The following RPS6KA2 variants were observed in gnomAD, a reference collection of about 807,000 sequenced individuals.
The protein encoded by RPS6KA2 is ribosomal protein S6 kinase A2.
In RPS6KA2, 42 loss-of-function variants were observed where a neutral mutation model predicts 91.8. That is an observed-to-expected ratio of 0.46 (90% CI 0.36 to 0.59). The LOEUF is 0.59. RPS6KA2 is among the 20% of genes least tolerant of loss of function. The pLI, the probability that RPS6KA2 is intolerant of heterozygous loss-of-function variation, is 0.00. For synonymous variants in RPS6KA2, 414 were observed against 393.6 expected (o/e 1.05, Z -0.61); for missense variants, 798 against 978.5 (o/e 0.82, Z 2.46).
intron 2 of RPS6KA2, among the ~76,000 whole-genome samples, chr6:166,815,448 C>T (rs1246202156): frequency 6.6e-6 from 1 of 152,160 alleles, no homozygotes; most frequent in Admixed American, 6.5e-5. Context: ...TTTATAGTCA[C>T]TAAAATAAAA....
intron 2 of RPS6KA2, among the ~76,000 whole-genome samples, chr6:166,773,521 C>G (rs1583102405): frequency 6.6e-6 from 1 of 152,132 alleles, no homozygotes; most frequent in Non-Finnish European, 1.5e-5. Context: ...CCTGCCTCAG[C>G]CTCGTGAGTA....
At chr6:166,420,157 T>C (rs1057117564) in intron 17 of RPS6KA2, among the ~76,000 whole-genome samples, 199 bp from the exon 18 acceptor site, 7 of 151,372 alleles carry the variant, frequency 4.6e-5, no homozygotes, top group Non-Finnish European at 1.0e-4. Context: ...GCCAGCCACA[T>C]GGTAAACTAG....
intron 3 of RPS6KA2, among the ~76,000 whole-genome samples, chr6:166,525,423 GC>G (rs1192192859): frequency 6.6e-6 from 1 of 151,944 alleles, no homozygotes; most frequent in Non-Finnish European, 1.5e-5. Flanking sequence ...CAGCAGTGTG[GC>G]CCCCTCAGCA....
chr6:166,526,225 T>C (rs918094730), intron 3 of RPS6KA2, among the ~76,000 whole-genome samples: 3 of 152,168 alleles, frequency 2.0e-5, no homozygotes, highest in African/African-American at 7.2e-5. Flanking sequence ...TTTTTAGTGA[T>C]GGATCATTAC....
At chr6:166,843,570 ACGTGAAGACGGAT>A (rs2128630585) in intron 2 of RPS6KA2, among the ~76,000 whole-genome samples, 1 of 152,308 alleles carries the variant, frequency 6.6e-6, no homozygotes, top group African/African-American at 2.4e-5. Context: ...CAGCTGAAAG[ACGTGAAGACGGAT>A]CACATCACAG....
chr6:166,642,273 AC>A (rs879561062), intron 2 of RPS6KA2, among the ~76,000 whole-genome samples: 1 of 152,316 alleles, frequency 6.6e-6, no homozygotes, highest in Non-Finnish European at 1.5e-5. Context: ...AGAGAAAATA[AC>A]TTTAACCTTG....
intron 7 of RPS6KA2, among the ~76,000 whole-genome samples, chr6:166,499,857 G>C (rs28439240): frequency 0.41 from 61,726 of 150,146 alleles, 14,064 homozygotes; most frequent in East Asian, 0.69. Context: ...CAGGGACTTT[G>C]AGAACAGACT....
At chr6:166,656,054 G>A (rs996167021) in intron 2 of RPS6KA2, among the ~76,000 whole-genome samples, 1 of 152,240 alleles carries the variant, frequency 6.6e-6, no homozygotes, top group African/African-American at 2.4e-5. Context: ...AGTGTGCACA[G>A]CACACACCTC....
At chr6:166,816,078 CT>C (rs1779751602) in intron 2 of RPS6KA2, among the ~76,000 whole-genome samples, 3 of 152,186 alleles carry the variant, frequency 2.0e-5, no homozygotes, top group Admixed American at 2.0e-4. Flanking sequence ...GATTAAAACA[CT>C]TTCATCAAGA....
At chr6:166,524,806 G>A (rs1003347019) in intron 3 of RPS6KA2, among the ~76,000 whole-genome samples, 1 of 152,220 alleles carries the variant, frequency 6.6e-6, no homozygotes, top group Non-Finnish European at 1.5e-5. Flanking sequence ...GGGACACTGA[G>A]GCCAGGAGAG....
chr6:166,613,880 G>A (rs1358762471), intron 1 of RPS6KA2, among the ~76,000 whole-genome samples: 3 of 151,372 alleles, frequency 2.0e-5, no homozygotes, highest in Non-Finnish European at 4.4e-5. Context: ...CGGCCTTCAG[G>A]ACACAGTCGG....
chr6:166,428,549 T>A (rs1186797691), intron 16 of RPS6KA2, among the ~76,000 whole-genome samples: 1 of 141,682 alleles, frequency 7.1e-6, no homozygotes, highest in East Asian at 2.0e-4. Flanking sequence ...TTTCGCAACC[T>A]ACTCATCTGA....
At chr6:166,615,934 G>A (rs1336811969) in intron 1 of RPS6KA2, among the ~76,000 whole-genome samples, 2 of 152,198 alleles carry the variant, frequency 1.3e-5, no homozygotes, top group African/African-American at 4.8e-5. Context: ...GCATACACAG[G>A]CCTCACTGCA....
intron 1 of RPS6KA2, among the ~76,000 whole-genome samples, chr6:166,559,070 C>T (rs928614799): frequency 1.3e-5 from 2 of 152,220 alleles, no homozygotes; most frequent in Non-Finnish European, 2.9e-5. Flanking sequence ...ACTTGCTATG[C>T]TCCATCTCTT....
At chr6:166,460,033 C>T (rs1289498613) in intron 11 of RPS6KA2, among the ~76,000 whole-genome samples, 1 of 152,186 alleles carries the variant, frequency 6.6e-6, no homozygotes, top group African/African-American at 2.4e-5. Flanking sequence ...CTGCAAAAAC[C>T]GCCGACCCAG....
chr6:166,427,429 A>T (rs994794222), intron 16 of RPS6KA2, among the ~76,000 whole-genome samples: 5 of 152,146 alleles, frequency 3.3e-5, no homozygotes, highest in Non-Finnish European at 1.5e-5. Context: ...CCTATTCAAC[A>T]TAGTGTTGGA....
At chr6:166,468,820 C>G (rs192358627) in intron 11 of RPS6KA2, among the ~76,000 whole-genome samples, 1 of 140,228 alleles carries the variant, frequency 7.1e-6, no homozygotes, top group Non-Finnish European at 1.5e-5. Flanking sequence ...GCCGAGATCG[C>G]GCCACTGCAC....
At chr6:166,421,545 C>A (rs971297604) in intron 17 of RPS6KA2, among the ~76,000 whole-genome samples, 2 of 152,178 alleles carry the variant, frequency 1.3e-5, no homozygotes, top group Admixed American at 6.5e-5. Flanking sequence ...CCTCCATAGG[C>A]CAGCCCTGCA....
chr6:166,681,463 A>G (rs944411844), intron 2 of RPS6KA2, among the ~76,000 whole-genome samples: 2 of 152,036 alleles, frequency 1.3e-5, no homozygotes, highest in African/African-American at 4.8e-5. Flanking sequence ...CACCCTCCAC[A>G]CGGCATCTCC....
Sources: allele counts gnomAD v4.1 joint callset (sites outside exome capture counted in the v4.1 genomes callset), GRCh38; gene constraint gnomAD v4.1.1; transcripts MANE v1.5; gene names NCBI Gene and HGNC (gene_info 2026-07-23, HGNC 2026-07-21).